PSMD2: variants seen among roughly 807,000 people sequenced by gnomAD.
PSMD2 encodes the protein 26S proteasome non-ATPase regulatory subunit 2.
Under a neutral mutation model 101.5 loss-of-function variants are expected in PSMD2, and 8 were observed. The ratio of observed to expected loss-of-function variants is 0.08; its 90% CI spans 0.05 to 0.14. The LOEUF (loss-of-function observed/expected upper bound fraction) is 0.14, where lower values mean the gene tolerates loss of function less well. Ranked by LOEUF, PSMD2 falls within the 10% of genes least tolerant of loss-of-function variation. The pLI is 1.00. For synonymous variants in PSMD2, 418 were observed against 433.8 expected, an observed-to-expected ratio of 0.96 and a Z score of 0.45; for missense variants, 784 against 1,147.4, an observed-to-expected ratio of 0.68 and a Z score of 4.58.
At chr3:184,299,552 GCTC>G in intron 1 of PSMD2, 151 bp downstream of exon 1, 2 of 1,098,426 alleles carry the variant, frequency 1.8e-6, no homozygotes, top group Non-Finnish European at 2.4e-6. Flanking sequence ...TTGCCTCTCT[GCTC>G]CTCATTCTCC....
chr3:184,299,591 C>G, intron 1 of PSMD2, 190 bp downstream of exon 1: 1 of 834,942 alleles, frequency 1.2e-6, no homozygotes, highest in African/African-American at 1.7e-5. Flanking sequence ...CTCCGCCGTC[C>G]CCACCAACCC....
Position 184,302,372 on chromosome 3 carries a change from G to C in PSMD2, c.707G>C (p.Cys236Ser). ...CTTTGTTACTTTTACTTTTGTAGTTGTGTGAATTACGTGCCTGAGCCTGAG... is the reference window on the plus strand; with the variant it reads ...CTTTGTTACTTTTACTTTTGTAGTTCTGTGAATTACGTGCCTGAGCCTGAG... ...YAKVCLYLTS[C>S]VNYVPEPENS... Residue 236 changes from cysteine (C) to serine (S), a missense_variant and splice_region_variant, in exon 6 of 21, where the codon TGT becomes TCT. Transcript: ENST00000310118. The C allele has an allele frequency of 6.2e-7, 1 of 1,610,802 alleles. No homozygotes were observed. Among genetic ancestry groups the C allele is most frequent in the Middle Eastern group, 1.7e-4 (1 of 5,862 alleles).
Position 184,307,899 on chromosome 3 carries a change from C to T in PSMD2, c.2308C>T (p.His770Tyr), listed in dbSNP as rs768340892. The change falls in exon 19 of 21, where the codon CAT (histidine) becomes TAT (tyrosine). Residue 770 changes from histidine to tyrosine, a missense_variant. Transcript: ENST00000310118. ...CCTCTGTTTTTTTCAGGGCCTGACACATTTAGGGAAGGGCACCCTTACCCT... is the reference window on the plus strand; with the variant it reads ...CCTCTGTTTTTTTCAGGGCCTGACATATTTAGGGAAGGGCACCCTTACCCT... ...FMVRLAQGLT[H>Y]LGKGTLTLCP... The T allele has an allele frequency of 1.2e-6, 2 of 1,614,130 alleles. No individual in the cohort carries two copies. Among genetic ancestry groups the T allele is most frequent in the African/African-American group, 1.3e-5 (1 of 75,038 alleles).
chr3:184,306,236 T>G, intron 14 of PSMD2, 81 bp downstream of exon 14: 2 of 1,595,734 alleles, frequency 1.3e-6, no homozygotes, highest in African/African-American at 2.7e-5. Context: ...AGGTTGTTTC[T>G]CCTTTCTCCT....
At chr3:184,307,116 T>C (rs533332165) in intron 16 of PSMD2, among the ~76,000 whole-genome samples, 5 of 151,916 alleles carry the variant, frequency 3.3e-5, no homozygotes, top group Non-Finnish European at 7.4e-5. Context: ...AGCTAATTTT[T>C]GTATTTTTAG....
intron 16 of PSMD2, among the ~76,000 whole-genome samples, chr3:184,307,104 C>T (rs1721857231): frequency 1.3e-5 from 2 of 152,036 alleles, no homozygotes; most frequent in Non-Finnish European, 2.9e-5. Context: ...GCCACCATGC[C>T]CAGCTAATTT....
chr3:184,303,763 C>A lies in PSMD2; in HGVS notation c.1323+14C>A. On this transcript the variant is annotated intron_variant, in intron 10 of 20. Coordinates refer to ENST00000310118, the MANE Select transcript of PSMD2 (RefSeq NM_002808.5). Reference sequence around the variant, plus strand: ...GACTACATTAAGGTTGGTCTGCATACAGCCTGCTCATGGGGACTTCCCCGT... The same window carrying A: ...GACTACATTAAGGTTGGTCTGCATAAAGCCTGCTCATGGGGACTTCCCCGT... The A allele has an allele frequency of 6.2e-7, 1 of 1,612,892 alleles. No individual in the cohort carries two copies. Among genetic ancestry groups the A allele is most frequent in the East Asian group, 2.2e-5 (1 of 44,880 alleles).
At chr3:184,307,547 G>C (rs111799818) in intron 17 of PSMD2, 22 bp downstream of exon 17, 33,463 of 1,614,088 alleles carry the variant, frequency 0.021, 418 homozygotes, top group Non-Finnish European at 0.025. Context: ...GCAGAAGAAG[G>C]TCATAAACAG....
chr3:184,305,853 T>C lies in PSMD2; in HGVS notation c.1625T>C (p.Ile542Thr). 6.2e-7 allele frequency: 1 copy of C among 1,614,208 alleles called. No individual in the cohort carries two copies. The highest frequency in any genetic ancestry group is 8.5e-7 in the Non-Finnish European group (1 of 1,180,032). ...GTAACTTCCACTATCCTTCAGACCA[T>C]CATGGAGAAGTCAGAGACTGAGCTC... The part of the protein sequence containing the change: ...GDVTSTILQT[I>T]MEKSETELKD... The change falls in exon 13 of 21, where the codon ATC becomes ACC. Residue 542 changes from isoleucine to threonine, a missense_variant. Around this residue, in one of 6 missense-constraint regions of PSMD2, gnomAD observed 282 missense variants for 437.6 expected, o/e 0.64. Coordinates refer to ENST00000310118, the MANE Select transcript of PSMD2 (RefSeq NM_002808.5).
At position 184,302,036 on chromosome 3, in the gene PSMD2, A is replaced by G. The variant is rs765244869; in HGVS notation, c.669A>G (p.Glu223=). 6.2e-7 allele frequency: 1 copy of G among 1,614,076 alleles called. No homozygotes were observed. The highest frequency in any genetic ancestry group is 1.7e-5 in the Admixed American group (1 of 60,010). ...ACATGCTGGAGAAGGACATTGATGA[A>G]AATGCATATGCAAAGGTCTGCCTTT... is the stretch of plus-strand genomic sequence containing the variant. The part of the protein sequence containing the change: ...QVDMLEKDID[E]NAYAKVCLYL... Residue 223 remains glutamate (E), a synonymous_variant, in exon 5 of 21, where the codon GAA becomes GAG. Coordinates refer to ENST00000310118, the MANE Select transcript of PSMD2 (RefSeq NM_002808.5).
rs763837991 is a variant in PSMD2, at chr3:184,300,391, C to A, written c.304C>A (p.His102Asn). The A allele has an allele frequency of 6.2e-7, 1 of 1,614,160 alleles. No individual in the cohort carries two copies. Among genetic ancestry groups the A allele is most frequent in the South Asian group, 1.1e-5 (1 of 91,088 alleles). The change falls in exon 3 of 21, where the codon CAC becomes AAC. Residue 102 changes from histidine to asparagine, a missense_variant. Coordinates refer to ENST00000310118, the MANE Select transcript of PSMD2 (RefSeq NM_002808.5). Reference protein sequence around the residue: ...VPKPLKFLRPHYGKLKEIYEN... With the variant: ...VPKPLKFLRPNYGKLKEIYEN... ...CAAGCCTCTCAAATTTCTGCGTCCA[C>A]ACTATGGCAAACTGAAGGAAATCTA... is the stretch of plus-strand genomic sequence containing the variant.
intron 12 of PSMD2, among the ~76,000 whole-genome samples, chr3:184,305,174 C>G (rs541906922): frequency 6.6e-6 from 1 of 152,034 alleles, no homozygotes; most frequent in Non-Finnish European, 1.5e-5. Context: ...GTAATTCAAT[C>G]TCTTTAGGCC....
Position 184,302,372 on chromosome 3 carries a change from G to A in PSMD2, c.707G>A (p.Cys236Tyr), listed in dbSNP as rs781344064. ...YAKVCLYLTSCVNYVPEPENS... is the reference protein window; with the variant it reads ...YAKVCLYLTSYVNYVPEPENS... ...CTTTGTTACTTTTACTTTTGTAGTT[G>A]TGTGAATTACGTGCCTGAGCCTGAG... Residue 236 changes from cysteine (C) to tyrosine (Y), a missense_variant and splice_region_variant, in exon 6 of 21, where the codon TGT becomes TAT. Transcript: ENST00000310118. The A allele has an allele frequency of 1.2e-6, 2 of 1,610,802 alleles. No homozygotes were observed. The highest frequency in any genetic ancestry group is 4.5e-5 in the East Asian group (2 of 44,866).
At position 184,303,420 on chromosome 3, in the gene PSMD2, G is replaced by A. The variant is rs749210787; in HGVS notation, c.1170G>A (p.Leu390=). The change falls in exon 9 of 21, where the codon CTG becomes CTA. Residue 390 remains leucine (L), a synonymous_variant. Coordinates refer to ENST00000310118, the MANE Select transcript of PSMD2 (RefSeq NM_002808.5). ...FVNAAFGQDK[L]LTDDGNKWLY... ...ATGCAGCTTTTGGCCAAGACAAGCT[G>A]CTAACAGATGATGGCAACAAATGGC... 6.2e-7 allele frequency: 1 copy of A among 1,614,034 alleles called. No individual in the cohort carries two copies.
intron 14 of PSMD2, 69 bp from the exon 15 acceptor site, chr3:184,306,281 C>A (rs1249858812): frequency 6.3e-7 from 1 of 1,593,558 alleles, no homozygotes; most frequent in Middle Eastern, 1.7e-4. Context: ...TTAGACTTCT[C>A]CTGTTTTCCA....
rs373344186 is a variant in PSMD2, at chr3:184,305,911, A to G, written c.1683A>G (p.Gly561=). The G allele has an allele frequency of 5.6e-6, 9 of 1,614,040 alleles. No homozygotes were observed. The African/African-American group carries it at 1.1e-4, about 19-fold the overall frequency. ...KDTYARWLPL[G]LGLNHLGKGE... is the part of the protein sequence containing the mutation. ...CTTATGCTCGTTGGCTTCCTCTTGG[A>G]CTGGGTCTCAACCACCTGGGTGAGG... Residue 561 remains glycine (G), a synonymous_variant, in exon 13 of 21, where the codon GGA becomes GGG. Coordinates refer to ENST00000310118, the MANE Select transcript of PSMD2 (RefSeq NM_002808.5).
At chr3:184,307,571 T>C (rs1457937400) in intron 17 of PSMD2, 43 bp from the exon 18 acceptor site, 1 of 1,614,060 alleles carries the variant, frequency 6.2e-7, no homozygotes, top group Non-Finnish European at 8.5e-7. Context: ...GGGGGAAGAT[T>C]TGAAGCCCCT....
rs1721897297 is a variant in PSMD2 at position 184,308,174 on chromosome 3, C to T, written c.2425+158C>T. Among the ~76,000 whole-genome samples the T allele has an allele frequency of 6.6e-6, 1 of 152,244 alleles. No individual in the cohort carries two copies. The highest frequency in any genetic ancestry group is 2.1e-4 in the South Asian group (1 of 4,836). The stretch of plus-strand genomic sequence containing the variant: ...TGGGCCTGTGACATGAGACTTTCAT[C>T]ACCCACACTTTTGATCTGGCCCAAA... On this transcript the variant is annotated intron_variant, in intron 19 of 20. Transcript: ENST00000310118. The surrounding 1 kb of genome is among the most constrained non-coding windows in gnomAD (Gnocchi z 6.0).
In PSMD2 at chr3:184,308,964, G is replaced by T. The variant is rs979499048; in HGVS notation, c.*74G>T. On this transcript the variant is annotated 3_prime_UTR_variant, in exon 21 of 21. Coordinates refer to ENST00000310118, the MANE Select transcript of PSMD2 (RefSeq NM_002808.5). The surrounding 1 kb of genome is among the most constrained non-coding windows in gnomAD (Gnocchi z 6.0). ...GCATCCTGCTGCCAAGGGTGGACAC[G>T]GCTGCAGACTTCTGGGGGAATTGTC... 6.9e-7 allele frequency: 1 copy of T among 1,453,950 alleles called. No individual in the cohort carries two copies. Among genetic ancestry groups the T allele is most frequent in the South Asian group, 1.3e-5 (1 of 78,030 alleles). 90.1% of individuals were successfully genotyped at this position (1,453,950 alleles called of 1,614,324 possible).
Sources: allele counts gnomAD v4.1 joint callset (sites outside exome capture counted in the v4.1 genomes callset), GRCh38; gene constraint gnomAD v4.1.1; regional missense constraint gnomAD v4.1.1; non-coding constraint Gnocchi (gnomAD v3.1); transcripts MANE v1.5; gene names NCBI Gene and HGNC (gene_info 2026-07-23, HGNC 2026-07-21).